The following HTR6 variants were observed in gnomAD, a reference collection of about 807,000 sequenced individuals.
HTR6 encodes 5-hydroxytryptamine receptor 6, also known as 5-hydroxytryptamine (serotonin) receptor 6, G protein-coupled.
A neutral mutation model predicts 17.4 loss-of-function variants in HTR6; 15 were observed. That is an observed-to-expected ratio of 0.86 (90% confidence interval 0.58 to 1.33). The LOEUF (loss-of-function observed/expected upper bound fraction) is 1.33. Among genes scored for constraint, HTR6 ranks in the 40% most tolerant of loss-of-function variants. The pLI, the probability that HTR6 is intolerant of heterozygous loss-of-function variation, is 0.00. For synonymous variants in HTR6, 326 were observed against 295.5 expected (o/e 1.10, Z -1.06); for missense variants, 578 against 616.0 (o/e 0.94, Z 0.65).
At position 19,669,444 on chromosome 1, in the gene HTR6, C is replaced by T. The variant is rs571317948; in HGVS notation, c.714+2977C>T. 5.3e-5 allele frequency among the ~76,000 whole-genome samples: 8 copies of T among 152,270 alleles called. 1 individual carries two copies. The highest frequency in any genetic ancestry group is 5.2e-4 in the Admixed American group (8 of 15,284). ...CAGGTGGGGAAACTGAGGCTCAGAG[C>T]GAGAGGTGACTTGCCCAAGATTGCA... On this transcript the variant is annotated intron_variant, in intron 1 of 2. Coordinates refer to ENST00000289753, the MANE Select transcript of HTR6 (RefSeq NM_000871.3).
chr1:19,674,264 A>G (rs531083011), intron 1 of HTR6, among the ~76,000 whole-genome samples: 1 of 152,344 alleles, frequency 6.6e-6, no homozygotes, highest in African/African-American at 2.4e-5. Flanking sequence ...AAATAGGATC[A>G]TGCTGTATCT....
At chr1:19,667,329 A>G (rs1472443700) in intron 1 of HTR6, among the ~76,000 whole-genome samples, 1 of 151,690 alleles carries the variant, frequency 6.6e-6, no homozygotes, top group Non-Finnish European at 1.5e-5. Flanking sequence ...CATAAAAATG[A>G]CTTGTTCATT....
At chr1:19,677,035 A>G (rs2095095266) in intron 1 of HTR6, among the ~76,000 whole-genome samples, 1 of 152,198 alleles carries the variant, frequency 6.6e-6, no homozygotes, top group Admixed American at 6.5e-5. Context: ...CACGTTGATT[A>G]CAGAAACACA....
chr1:19,665,708 C>A lies in HTR6; in HGVS notation c.-46C>A, dbSNP rs766119901. ...TGCGCTTCGCCGGGGCCCTCATCTG[C>A]TTTCCCGCCACCCTATCACTCCCTT... On this transcript the variant is annotated 5_prime_UTR_variant, in exon 1 of 3. Coordinates refer to ENST00000289753, the MANE Select transcript of HTR6 (RefSeq NM_000871.3). This position sits in a 1 kb window ranked among gnomAD's most constrained non-coding sequence, Gnocchi z 4.2. The A allele has an allele frequency of 2.1e-5, 28 of 1,311,288 alleles. No homozygotes were observed. Among genetic ancestry groups the A allele is most frequent in the Non-Finnish European group, 2.9e-5 (28 of 975,548 alleles). 81.2% of individuals were successfully genotyped at this position (1,311,288 alleles called of 1,614,324 possible).
In HTR6 at chr1:19,664,956, C is replaced by G. The variant is rs1288712252; in HGVS notation, c.-798C>G. On this transcript the variant is annotated 5_prime_UTR_variant, in exon 1 of 3. Coordinates refer to ENST00000289753, the MANE Select transcript of HTR6 (RefSeq NM_000871.3). This position sits in a 1 kb window ranked among gnomAD's most constrained non-coding sequence, Gnocchi z 4.7. ...AGACCCGGTCCCGCCGCCCGCCCGG[C>G]CCGCGGCCGCCTCTTCCTCTCGCAG... Among the ~76,000 whole-genome samples, 1 of 150,052 alleles carries G rather than the reference C, an allele frequency of 6.7e-6. No homozygotes were observed. The highest frequency in any genetic ancestry group is 1.5e-5 in the Non-Finnish European group (1 of 67,242).
At chr1:19,676,315 A>G (rs2095094430) in intron 1 of HTR6, among the ~76,000 whole-genome samples, 1 of 152,204 alleles carries the variant, frequency 6.6e-6, no homozygotes, top group African/African-American at 2.4e-5. Flanking sequence ...AGTAAGTGGT[A>G]GAGGCCACTT....
chr1:19,672,669 C>A (rs2095089606), intron 1 of HTR6, among the ~76,000 whole-genome samples: 1 of 152,308 alleles, frequency 6.6e-6, no homozygotes, highest in African/African-American at 2.4e-5. Context: ...GTCATGACAT[C>A]TATCACACAA....
Position 19,666,481 on chromosome 1 carries a change from G to A in HTR6, c.714+14G>A, listed in dbSNP as rs200952794. ...GAGACGCTGCAGGTACCTGGGGTGC[G>A]CAGGGAGACCCGGGCTGTGGGATAG... On this transcript the variant is annotated intron_variant, in intron 1 of 2. Coordinates refer to ENST00000289753, the MANE Select transcript of HTR6 (RefSeq NM_000871.3). This position sits in a 1 kb window ranked among gnomAD's most constrained non-coding sequence, Gnocchi z 4.5. 1.2e-4 allele frequency: 197 copies of A among 1,578,566 alleles called. 1 individual carries two copies. In the East Asian group the frequency reaches 3.4e-3, roughly 27 times the overall value.
Position 19,679,412 on chromosome 1 carries a change from C to T in HTR6, c.*44C>T. On this transcript the variant is annotated 3_prime_UTR_variant, in exon 3 of 3. Coordinates refer to ENST00000289753, the MANE Select transcript of HTR6 (RefSeq NM_000871.3). This position sits in a 1 kb window ranked among gnomAD's most constrained non-coding sequence, Gnocchi z 4.9. ...CAATGGGGAGCTGGATTGAGCAGAA[C>T]CCAGACCCTGAGTCCTTGGGCCAGC... is the stretch of plus-strand genomic sequence containing the variant. 1 of 1,505,524 alleles carries T rather than the reference C, an allele frequency of 6.6e-7. No homozygotes were observed. Among genetic ancestry groups the T allele is most frequent in the African/African-American group, 1.4e-5 (1 of 72,052 alleles). The allele number at this position is 1,505,524 out of a possible 1,614,324, so 93.3% of individuals were successfully genotyped here. A position where few individuals can be genotyped will look rare whatever the true frequency, so the allele number is the denominator to read the frequency against.
rs749856051 is a variant in HTR6 at position 19,678,563 on chromosome 1, G to A, written c.715-4G>A. 3.1e-6 allele frequency: 5 copies of A among 1,612,302 alleles called. No individual in the cohort carries two copies. Among genetic ancestry groups the A allele is most frequent in the Non-Finnish European group, 3.4e-6 (4 of 1,179,916 alleles). On this transcript the variant is annotated splice_polypyrimidine_tract_variant and splice_region_variant and intron_variant, in intron 1 of 2. Coordinates refer to ENST00000289753, the MANE Select transcript of HTR6 (RefSeq NM_000871.3). ...ACGGACTCATGTGGCCTTCCTTTCC[G>A]CAGGTGCCCAGGACCCCACGCCCAG... is the stretch of plus-strand genomic sequence containing the variant.
chr1:19,665,072 C>T lies in HTR6; in HGVS notation c.-682C>T, dbSNP rs980242535. 6.6e-6 allele frequency among the ~76,000 whole-genome samples: 1 copy of T among 151,534 alleles called. No individual in the cohort carries two copies. Among genetic ancestry groups the T allele is most frequent in the Admixed American group, 6.6e-5 (1 of 15,222 alleles). On this transcript the variant is annotated 5_prime_UTR_variant, in exon 1 of 3. Coordinates refer to ENST00000289753, the MANE Select transcript of HTR6 (RefSeq NM_000871.3). This position sits in a 1 kb window ranked among gnomAD's most constrained non-coding sequence, Gnocchi z 4.2. Reference sequence around the variant, plus strand: ...CGGGAGACGGAGGCGACCCTGCTGCCGGGTGGGGAGGGGGCGCCGCGCGGC... The same window carrying T: ...CGGGAGACGGAGGCGACCCTGCTGCTGGGTGGGGAGGGGGCGCCGCGCGGC...
At position 19,679,341 on chromosome 1, in the gene HTR6, G is replaced by T; in HGVS notation, c.1296G>T (p.Pro432=). 1.3e-6 allele frequency: 2 copies of T among 1,596,884 alleles called. No individual in the cohort carries two copies. The highest frequency in any genetic ancestry group is 1.7e-6 in the Non-Finnish European group (2 of 1,170,410). The part of the protein sequence containing the change: ...NIDPAEPELR[P]HPLGIPTN ...ACCCCGCGGAGCCCGAGCTGCGGCC[G>T]CATCCACTTGGCATCCCCACGAACT... The change falls in exon 3 of 3, where the codon CCG becomes CCT. Residue 432 remains proline (P), a synonymous_variant. Coordinates refer to ENST00000289753, the MANE Select transcript of HTR6 (RefSeq NM_000871.3). The surrounding 1 kb of genome is among the most constrained non-coding windows in gnomAD (Gnocchi z 4.9).
At position 19,665,962 on chromosome 1, in the gene HTR6, C is replaced by G. The variant is rs1205981507; in HGVS notation, c.209C>G (p.Thr70Arg). Residue 70 changes from threonine to arginine, a missense_variant, in exon 1 of 3, where the codon ACG becomes AGG. Physicochemically the swap from Thr to Arg is moderately conservative, Grantham distance 71. Transcript: ENST00000289753. This position sits in a 1 kb window ranked among gnomAD's most constrained non-coding sequence, Gnocchi z 4.2. ...AACTTCTTCCTGGTGTCGCTCTTCA[C>G]GTCTGACCTGATGGTGGGGCTGGTG... ...TSNFFLVSLF[T>R]SDLMVGLVVM... 1 of 1,613,940 alleles carries G rather than the reference C, an allele frequency of 6.2e-7. No homozygotes were observed. The highest frequency in any genetic ancestry group is 8.5e-7 in the Non-Finnish European group (1 of 1,179,902).
rs1264801972 is a variant in HTR6 at position 19,666,040 on chromosome 1, G to A, written c.287G>A (p.Arg96His). ...CTGTACGGGCGCTGGGTGCTGGCGC[G>A]CGGCCTCTGCCTGCTCTGGACCGCC... Reference protein sequence around the residue: ...NALYGRWVLARGLCLLWTAFD... With the variant: ...NALYGRWVLAHGLCLLWTAFD... Residue 96 changes from arginine to histidine, a missense_variant, in exon 1 of 3, where the codon CGC becomes CAC. Transcript: ENST00000289753. The surrounding 1 kb of genome is among the most constrained non-coding windows in gnomAD (Gnocchi z 4.5). The A allele has an allele frequency of 6.2e-7, 1 of 1,613,494 alleles. No homozygotes were observed. Among genetic ancestry groups the A allele is most frequent in the South Asian group, 1.1e-5 (1 of 91,052 alleles).
chr1:19,666,021 G>C lies in HTR6; in HGVS notation c.268G>C (p.Gly90Arg), dbSNP rs199967878. 9.3e-6 allele frequency: 15 copies of C among 1,613,786 alleles called. No homozygotes were observed. Among genetic ancestry groups the C allele is most frequent in the Non-Finnish European group, 1.3e-5 (15 of 1,179,890 alleles). Residue 90 changes from glycine (G) to arginine (R), a missense_variant, in exon 1 of 3, where the codon GGG becomes CGG. By Grantham distance (125) the Gly-to-Arg change is moderately radical. Transcript: ENST00000289753. The surrounding 1 kb of genome is among the most constrained non-coding windows in gnomAD (Gnocchi z 4.5). ...GCCGGCCATGCTGAACGCGCTGTACGGGCGCTGGGTGCTGGCGCGCGGCCT... is the reference window on the plus strand; with the variant it reads ...GCCGGCCATGCTGAACGCGCTGTACCGGCGCTGGGTGCTGGCGCGCGGCCT... ...MPPAMLNALY[G>R]RWVLARGLCL... is the part of the protein sequence containing the mutation.
chr1:19,667,425 GT>G (rs1054972780), intron 1 of HTR6, among the ~76,000 whole-genome samples: 3 of 150,554 alleles, frequency 2.0e-5, no homozygotes, highest in South Asian at 2.1e-4. Context: ...TTTTGTTTTT[GT>G]TTTTTTTGAG....
chr1:19,674,932 C>T lies in HTR6; in HGVS notation c.715-3635C>T, dbSNP rs58179708. On this transcript the variant is annotated intron_variant, in intron 1 of 2. Transcript: ENST00000289753. ...GAGATGCAAACGACAGGACATGGCC[C>T]CAAGGGGCTGCGAGGTGCTTATGGG... Among the ~76,000 whole-genome samples the T allele has an allele frequency of 9.1e-3, 1,385 of 152,258 alleles. 16 individuals carry two copies. The highest frequency in any genetic ancestry group is 0.032 in the African/African-American group (1,313 of 41,542).
chr1:19,667,806 T>A (rs1334196536), intron 1 of HTR6, among the ~76,000 whole-genome samples: 1 of 152,168 alleles, frequency 6.6e-6, no homozygotes, highest in Non-Finnish European at 1.5e-5. Context: ...ATTGACCCCC[T>A]GGAGGGGTGG....
intron 1 of HTR6, among the ~76,000 whole-genome samples, chr1:19,673,923 G>A (rs960592434): frequency 7.3e-5 from 11 of 149,672 alleles, no homozygotes; most frequent in African/African-American, 2.7e-4. Context: ...CTGGAGTGCA[G>A]TGGTACAACC....
Sources: allele counts gnomAD v4.1 joint callset (sites outside exome capture counted in the v4.1 genomes callset), GRCh38; gene constraint gnomAD v4.1.1; non-coding constraint Gnocchi (gnomAD v3.1); transcripts MANE v1.5; gene names NCBI Gene and HGNC (gene_info 2026-07-23, HGNC 2026-07-21).